The following COL8A1 variants were observed in gnomAD, a reference collection of about 807,000 sequenced individuals.
COL8A1 encodes the protein collagen alpha-1(VIII) chain.
A neutral mutation model predicts 42.7 loss-of-function variants in COL8A1; 21 were observed. The observed-to-expected ratio is 0.49, with a 90% CI of 0.35 to 0.71. COL8A1 has a LOEUF of 0.71. Ranked by LOEUF, COL8A1 falls within the 30% of genes least tolerant of loss-of-function variation. COL8A1 has a pLI of 0.01. For synonymous variants in COL8A1, 367 were observed against 369.1 expected, an observed-to-expected ratio of 0.99 and a Z score of 0.06; for missense variants, 788 against 962.4, an observed-to-expected ratio of 0.82 and a Z score of 2.40.
rs1421536030 is a variant in COL8A1 at position 99,791,006 on chromosome 3, C to T, written c.324C>T (p.Gly108=). Residue 108 remains glycine, a synonymous_variant, in exon 3 of 4, where the codon GGC becomes GGT. Transcript: ENST00000652472. ...RMGKEAVPKK[G]KEIPLASLRG... Reference sequence around the variant, plus strand: ...GCAAGGAAGCCGTACCCAAGAAAGGCAAAGGTAACATCATACTCCCAGGCT... The same window carrying T: ...GCAAGGAAGCCGTACCCAAGAAAGGTAAAGGTAACATCATACTCCCAGGCT... 22 of 1,609,858 alleles carry T rather than the reference C, an allele frequency of 1.4e-5. No homozygotes were observed. Among genetic ancestry groups the T allele is most frequent in the Non-Finnish European group, 1.9e-5 (22 of 1,176,672 alleles).
intron 2 of COL8A1, among the ~76,000 whole-genome samples, chr3:99,781,313 AG>A (rs1941789727): frequency 6.6e-6 from 1 of 152,098 alleles, no homozygotes; most frequent in South Asian, 2.1e-4. Context: ...GTGGTGGGTG[AG>A]GGGGTAGGAG....
intron 1 of COL8A1, among the ~76,000 whole-genome samples, chr3:99,696,406 C>A (rs1364544810): frequency 6.6e-6 from 1 of 152,158 alleles, no homozygotes. Context: ...CTGCTAGGGG[C>A]CCCTACCAGG....
chr3:99,758,180 C>T (rs903683059), intron 2 of COL8A1, among the ~76,000 whole-genome samples: 14 of 152,232 alleles, frequency 9.2e-5, no homozygotes, highest in Non-Finnish European at 1.3e-4. Context: ...TTAGGCTAAT[C>T]GGCTTACAAG....
intron 1 of COL8A1, among the ~76,000 whole-genome samples, chr3:99,729,482 G>A (rs924701310): frequency 6.6e-5 from 10 of 151,856 alleles, no homozygotes; most frequent in Non-Finnish European, 1.0e-4. Flanking sequence ...AAAAGAAAAG[G>A]AAAATTAAGG....
intron 1 of COL8A1, among the ~76,000 whole-genome samples, chr3:99,720,451 TAAC>T (rs1432882389): frequency 1.3e-5 from 2 of 152,168 alleles, no homozygotes; most frequent in Non-Finnish European, 2.9e-5. Context: ...GTATATTAAA[TAAC>T]AATATATTAC....
At chr3:99,653,015 A>G (rs1409495292) in intron 1 of COL8A1, among the ~76,000 whole-genome samples, 5 of 152,322 alleles carry the variant, frequency 3.3e-5, no homozygotes, top group East Asian at 3.9e-4. Context: ...TGGGCAAGAC[A>G]GTAAGTCTTG....
chr3:99,654,141 G>A (rs1576414948), intron 1 of COL8A1, among the ~76,000 whole-genome samples: 1 of 152,298 alleles, frequency 6.6e-6, no homozygotes. Flanking sequence ...ATCCAACACA[G>A]GAGAAAAATG....
rs1457855944 is a variant in COL8A1 at position 99,794,860 on chromosome 3, A to G, written c.959A>G (p.Gln320Arg). Residue 320 changes from glutamine (Q) to arginine (R), a missense_variant, in exon 4 of 4, where the codon CAG becomes CGG. By Grantham distance (43) the Gln-to-Arg change is conservative. Coordinates refer to ENST00000652472, the MANE Select transcript of COL8A1 (RefSeq NM_020351.4). The surrounding 1 kb of genome is among the most constrained non-coding windows in gnomAD (Gnocchi z 4.3). Reference protein sequence around the residue: ...PGIPGIGKPGQDGIPGQPGFP... With the variant: ...PGIPGIGKPGRDGIPGQPGFP... The stretch of plus-strand genomic sequence containing the variant: ...ATACCCGGAATTGGAAAGCCAGGCC[A>G]GGATGGGATCCCAGGCCAGCCAGGA... The G allele has an allele frequency of 6.2e-7, 1 of 1,611,870 alleles. No homozygotes were observed. Among genetic ancestry groups the G allele is most frequent in the Admixed American group, 1.7e-5 (1 of 59,768 alleles).
intron 2 of COL8A1, among the ~76,000 whole-genome samples, chr3:99,762,855 G>A (rs571550849): frequency 2.0e-3 from 306 of 152,288 alleles, no homozygotes; most frequent in African/African-American, 6.9e-3. Flanking sequence ...TGGCAGCTGG[G>A]GGAGACATGG....
At chr3:99,716,645 C>A (rs941401235) in intron 1 of COL8A1, among the ~76,000 whole-genome samples, 1 of 151,958 alleles carries the variant, frequency 6.6e-6, no homozygotes, top group African/African-American at 2.4e-5. Flanking sequence ...GACTCATGAT[C>A]CCCCTCCTCA....
intron 2 of COL8A1, among the ~76,000 whole-genome samples, chr3:99,750,083 T>G (rs12486703): frequency 0.23 from 27,384 of 120,846 alleles, 3,462 homozygotes; most frequent in African/African-American, 0.36. Context: ...TTGAGACAGA[T>G]TCTTGCTCTG....
chr3:99,729,949 A>G (rs1940451842), intron 1 of COL8A1, among the ~76,000 whole-genome samples: 1 of 152,144 alleles, frequency 6.6e-6, no homozygotes, highest in South Asian at 2.1e-4. Context: ...GCCCAATTTA[A>G]TAGCATTGTT....
chr3:99,650,716 CT>C (rs1937818186), intron 1 of COL8A1, among the ~76,000 whole-genome samples: 2 of 152,238 alleles, frequency 1.3e-5, no homozygotes, highest in East Asian at 3.9e-4. Context: ...CTACTAAGCA[CT>C]TTAAATGTGG....
intron 2 of COL8A1, among the ~76,000 whole-genome samples, chr3:99,762,527 G>T (rs1490481622): frequency 6.6e-6 from 1 of 152,168 alleles, no homozygotes; most frequent in Non-Finnish European, 1.5e-5. Flanking sequence ...GCCTGCTGCT[G>T]AGTTCTTTTG....
At chr3:99,669,146 T>TATATATATATATATATATAGAG in intron 1 of COL8A1, among the ~76,000 whole-genome samples, 19 of 115,384 alleles carry the variant, frequency 1.6e-4, no homozygotes, top group East Asian at 6.2e-4. Flanking sequence ...TATATATATA[T>TATATATATATATATATATAGAG]AGAGGGAGAG....
intron 1 of COL8A1, among the ~76,000 whole-genome samples, chr3:99,702,479 A>G (rs544437877): frequency 6.6e-6 from 1 of 152,342 alleles, no homozygotes; most frequent in Admixed American, 6.5e-5. Flanking sequence ...TCCAAAGAGA[A>G]CATAAATAAA....
intron 1 of COL8A1, among the ~76,000 whole-genome samples, chr3:99,734,521 G>A: frequency 6.6e-6 from 1 of 151,698 alleles, no homozygotes. Context: ...CTCTGTTTTG[G>A]TACCAGTACC....
chr3:99,700,825 TAC>T (rs1482739571), intron 1 of COL8A1, among the ~76,000 whole-genome samples: 1 of 152,162 alleles, frequency 6.6e-6, no homozygotes. Flanking sequence ...TTTGCATACA[TAC>T]ACACACCCTG....
At chr3:99,769,596 C>T (rs1378293740) in intron 2 of COL8A1, among the ~76,000 whole-genome samples, 1 of 152,160 alleles carries the variant, frequency 6.6e-6, no homozygotes, top group Non-Finnish European at 1.5e-5. Flanking sequence ...TTTCTTTACC[C>T]ATTGTAAGTT....
Sources: allele counts gnomAD v4.1 joint callset (sites outside exome capture counted in the v4.1 genomes callset), GRCh38; gene constraint gnomAD v4.1.1; non-coding constraint Gnocchi (gnomAD v3.1); transcripts MANE v1.5; gene names NCBI Gene and HGNC (gene_info 2026-07-23, HGNC 2026-07-21).